Variants in CD81 observed in about 807,000 individuals in gnomAD.
CD81 encodes the protein CD81 molecule, also known as CD81 antigen.
CD81 carries 10 observed loss-of-function variants against 30.1 expected under a neutral mutation model. The ratio of observed to expected loss-of-function variants is 0.33; its 90% confidence interval spans 0.21 to 0.56. CD81 has a LOEUF of 0.56. Ranked by LOEUF, CD81 falls within the 20% of genes least tolerant of loss-of-function variation. CD81 has a pLI of 0.89. For synonymous variants in CD81, 147 were observed against 126.4 expected (o/e 1.16, Z -1.10); for missense variants, 263 against 308.7 (o/e 0.85, Z 1.11).
intron 5 of CD81, 50 bp from the exon 6 acceptor site, chr11:2,395,819 C>A: frequency 7.7e-7 from 1 of 1,295,782 alleles, no homozygotes; most frequent in Non-Finnish European, 1.1e-6. Flanking sequence ...CTAGAGCCAC[C>A]GTCCCCCTGG....
chr11:2,395,133 G>A (rs1849973389), intron 4 of CD81, 87 bp downstream of exon 4: 2 of 1,136,864 alleles, frequency 1.8e-6, no homozygotes, highest in Non-Finnish European at 2.6e-6. Flanking sequence ...GCTGACTCAT[G>A]GCTTGTGGGA....
chr11:2,386,945 A>G (rs1325541207), intron 1 of CD81, among the ~76,000 whole-genome samples: 3 of 152,158 alleles, frequency 2.0e-5, no homozygotes, highest in Non-Finnish European at 4.4e-5. Flanking sequence ...GCCTCCCCAT[A>G]CGGCCCTGGA....
Position 2,393,897 on chromosome 11 carries a change from T to C in CD81, c.182-198T>C, listed in dbSNP as rs1483246317. 5.7e-6 allele frequency: 4 copies of C among 701,818 alleles called. 1 individual carries two copies. Among genetic ancestry groups the C allele is most frequent in the South Asian group, 4.4e-5 (3 of 67,510 alleles). 43.5% of individuals were successfully genotyped at this position (701,818 alleles called of 1,614,324 possible). A position where few individuals can be genotyped will look rare whatever the true frequency, so the allele number is the denominator to read the frequency against. Reference sequence around the variant, plus strand: ...CCTCCTTAGTCTCCGTCCTGTGTCATGGAAGAGGTAACTGAGGCACAGAAA... The same window carrying C: ...CCTCCTTAGTCTCCGTCCTGTGTCACGGAAGAGGTAACTGAGGCACAGAAA... On this transcript the variant is annotated intron_variant, in intron 2 of 7. Coordinates refer to ENST00000263645, the MANE Select transcript of CD81 (RefSeq NM_004356.4).
At chr11:2,380,527 G>A (rs1190323715) in intron 1 of CD81, among the ~76,000 whole-genome samples, 2 of 152,156 alleles carry the variant, frequency 1.3e-5, no homozygotes, top group African/African-American at 2.4e-5. Flanking sequence ...ATGCACCTGC[G>A]CCCTGACCGC....
intron 1 of CD81, chr11:2,390,172 C>T (rs2133455107): frequency 1.6e-6 from 1 of 613,256 alleles, no homozygotes; most frequent in Admixed American, 2.5e-5. Context: ...GCCCTGGAGT[C>T]ACACTCCACA....
At chr11:2,383,348 C>T (rs935453134) in intron 1 of CD81, among the ~76,000 whole-genome samples, 5 of 152,102 alleles carry the variant, frequency 3.3e-5, no homozygotes, top group Admixed American at 6.5e-5. Context: ...CCAACCTCCA[C>T]ACCCAGGCCT....
chr11:2,394,887 C>G, intron 3 of CD81, 85 bp from the exon 4 acceptor site: 1 of 1,270,658 alleles, frequency 7.9e-7, no homozygotes, highest in Non-Finnish European at 1.1e-6. Context: ...CTCACAGACA[C>G]GCCTGCTGGG....
At chr11:2,377,153 C>T (rs1227828873), upstream of CD81, 3 of 152,238 alleles carry the variant, frequency 2.0e-5, no homozygotes. This position sits in a 1 kb window ranked among gnomAD's most constrained non-coding sequence, Gnocchi z 7.7. Flanking sequence ...CGAAACGCGC[C>T]AAGTTGGGGG....
intron 6 of CD81, 71 bp downstream of exon 6, chr11:2,396,041 G>T: frequency 9.6e-7 from 1 of 1,038,832 alleles, no homozygotes; most frequent in Non-Finnish European, 1.5e-6. Context: ...CTAGGGGTGG[G>T]CAGGTCACAC....
intron 1 of CD81, 164 bp from the exon 2 acceptor site, chr11:2,390,248 C>T (rs991043037): frequency 5.7e-6 from 4 of 701,886 alleles, no homozygotes; most frequent in South Asian, 3.0e-5. Context: ...CTCCTGACTC[C>T]CGGGGCTCTT....
chr11:2,383,423 G>T (rs982960183), intron 1 of CD81, among the ~76,000 whole-genome samples: 1 of 152,154 alleles, frequency 6.6e-6, no homozygotes, highest in African/African-American at 2.4e-5. Context: ...GGCTGGAGGG[G>T]CCGTTCACCT....
chr11:2,388,397 A>G (rs896340791), intron 1 of CD81, among the ~76,000 whole-genome samples: 2 of 152,120 alleles, frequency 1.3e-5, no homozygotes, highest in African/African-American at 4.8e-5. Flanking sequence ...GGTGCAGGCC[A>G]TGGTGCTGGG....
At position 2,396,653 on chromosome 11, in the gene CD81, A is replaced by G. The variant is rs1281515385; in HGVS notation, c.587A>G (p.Asp196Gly). The change falls in exon 7 of 8, where the codon GAC (aspartate) becomes GGC (glycine). Residue 196 changes from aspartate (D) to glycine (G), a missense_variant. This residue lies in a region of CD81 where 176 missense variants were observed against 192.9 expected (regional missense o/e 0.91). Coordinates refer to ENST00000263645, the MANE Select transcript of CD81 (RefSeq NM_004356.4). The part of the protein sequence containing the change: ...FKEDCHQKID[D>G]LFSGKLYLIG... ...GAGGACTGCCACCAGAAGATCGATGACCTCTTCTCCGGGAAGCTGTACCTC... is the reference window on the plus strand; with the variant it reads ...GAGGACTGCCACCAGAAGATCGATGGCCTCTTCTCCGGGAAGCTGTACCTC... 1 of 1,611,616 alleles carries G rather than the reference A, an allele frequency of 6.2e-7. No individual in the cohort carries two copies. Among genetic ancestry groups the G allele is most frequent in the Non-Finnish European group, 8.5e-7 (1 of 1,179,952 alleles).
chr11:2,388,740 C>T (rs1044913549), intron 1 of CD81, among the ~76,000 whole-genome samples: 14 of 151,690 alleles, frequency 9.2e-5, no homozygotes, highest in South Asian at 2.1e-4. Context: ...TGGCCCCCCC[C>T]GGGTGCCTCC....
chr11:2,394,309 G>GCTCCTGTGC, intron 3 of CD81, 117 bp downstream of exon 3: 1 of 674,136 alleles, frequency 1.5e-6, no homozygotes, highest in East Asian at 2.7e-5. Flanking sequence ...GGGGGAGGTG[G>GCTCCTGTGC]CTCCTGTGCC....
intron 1 of CD81, among the ~76,000 whole-genome samples, chr11:2,380,977 C>CCA (rs1161022314): frequency 3.3e-5 from 5 of 152,226 alleles, no homozygotes; most frequent in Non-Finnish European, 7.3e-5. Context: ...GGGTATTTCT[C>CCA]GCTTCCAGAC....
chr11:2,390,670 G>A, intron 2 of CD81, 144 bp downstream of exon 2: 1 of 705,146 alleles, frequency 1.4e-6, no homozygotes, highest in South Asian at 1.5e-5. Flanking sequence ...AAAGGGCTCT[G>A]GGCACAAGGG....
chr11:2,384,634 C>T (rs555973715), intron 1 of CD81: 44 of 182,302 alleles, frequency 2.4e-4, no homozygotes, highest in Non-Finnish European at 4.7e-4. Context: ...CCTCCGGAGG[C>T]TGGAGTATCT....
chr11:2,385,793 T>A (rs1192927358), intron 1 of CD81: 4 of 611,606 alleles, frequency 6.5e-6, no homozygotes, highest in Non-Finnish European at 1.2e-5. Flanking sequence ...GACCCCAGGT[T>A]CACCCGTTCA....
Sources: gnomAD v4.1 joint callset for allele counts (sites outside exome capture counted in the v4.1 genomes callset) on GRCh38, gnomAD v4.1.1 for gene constraint, gnomAD v4.1.1 regional missense constraint, Gnocchi (gnomAD v3.1) non-coding constraint, MANE v1.5 for transcripts, NCBI Gene and HGNC (gene_info 2026-07-23, HGNC 2026-07-21) for gene names.